Variants in GALNT17 observed in about 807,000 individuals in gnomAD.
The protein encoded by GALNT17 is UDP-GalNAc:polypeptide N-acetylgalactosaminyltransferase-like 3.
In GALNT17, 29 loss-of-function variants were observed where a neutral mutation model predicts 63.7. The ratio of observed to expected loss-of-function variants is 0.46; its 90% CI spans 0.34 to 0.62. GALNT17 has a LOEUF of 0.62. GALNT17 is among the 20% of genes least tolerant of loss of function. The pLI, the probability that GALNT17 is intolerant of heterozygous loss-of-function variation, is 0.01. For missense variants in GALNT17, 603 were observed against 799.6 expected (o/e 0.75, Z 2.97); for synonymous variants, 305 against 318.3 (o/e 0.96, Z 0.45).
At chr7:71,184,241 G>C (rs1788789603) in intron 1 of GALNT17, among the ~76,000 whole-genome samples, 1 of 152,086 alleles carries the variant, frequency 6.6e-6, no homozygotes, top group Admixed American at 6.6e-5. Context: ...ACTGTGAGAA[G>C]ATACATTTCT....
intron 3 of GALNT17, 151 bp downstream of exon 3, chr7:71,388,552 A>G: frequency 2.0e-6 from 2 of 996,592 alleles, no homozygotes; most frequent in Non-Finnish European, 2.8e-6. Context: ...TTTGAGATGG[A>G]GTCTTGCTGT....
chr7:71,336,551 G>A (rs114677697), intron 2 of GALNT17, among the ~76,000 whole-genome samples: 1 of 152,040 alleles, frequency 6.6e-6, no homozygotes, highest in Non-Finnish European at 1.5e-5. Context: ...ATGTCCATGT[G>A]TACTCGTCGT....
intron 1 of GALNT17, among the ~76,000 whole-genome samples, chr7:71,290,505 A>G (rs978795619): frequency 6.6e-6 from 1 of 151,990 alleles, no homozygotes; most frequent in Non-Finnish European, 1.5e-5. Context: ...TGGCCCGGGG[A>G]GGCTACCCTG....
intron 5 of GALNT17, among the ~76,000 whole-genome samples, chr7:71,536,458 T>C (rs1788803622): frequency 6.6e-6 from 1 of 152,226 alleles, no homozygotes; most frequent in Non-Finnish European, 1.5e-5. Flanking sequence ...AAAAGAGGCT[T>C]AATTGGACTT....
intron 5 of GALNT17, among the ~76,000 whole-genome samples, chr7:71,534,261 A>G (rs545799754): frequency 6.6e-6 from 1 of 152,198 alleles, no homozygotes; most frequent in African/African-American, 2.4e-5. Flanking sequence ...ACATGGGGGT[A>G]GCATGGAGAA....
At chr7:71,693,301 C>CATATATATATATATATATATATAT (rs1280771901) in intron 9 of GALNT17, among the ~76,000 whole-genome samples, 1 of 82,560 alleles carries the variant, frequency 1.2e-5, no homozygotes, top group East Asian at 7.6e-4. Flanking sequence ...CACACACACA[C>CATATATATATATATATATATATAT]ACACACACAT....
At chr7:71,577,133 T>A (rs1348196814) in intron 6 of GALNT17, among the ~76,000 whole-genome samples, 1 of 152,158 alleles carries the variant, frequency 6.6e-6, no homozygotes, top group East Asian at 1.9e-4. Flanking sequence ...ATACCACATG[T>A]TCTCACTTAT....
intron 1 of GALNT17, among the ~76,000 whole-genome samples, chr7:71,261,108 C>T (rs1401501266): frequency 1.3e-5 from 2 of 152,186 alleles, no homozygotes; most frequent in Non-Finnish European, 2.9e-5. Context: ...TCAGGCTATA[C>T]TCCGATGGAT....
chr7:71,132,855 TA>T lies in GALNT17; in HGVS notation c.54del (p.Ala19ProfsTer46). On this transcript the variant is annotated frameshift_variant, in exon 1 of 11. Coordinates refer to ENST00000333538, the MANE Select transcript of GALNT17 (RefSeq NM_022479.3). LOFTEE classifies it high-confidence loss of function. Reference protein sequence around the residue: ...KVLLVLNLIAVAGFVLFLAKC... With the variant: ...KVLLVLNLIAXAGFVLFLAKC... Reference sequence around the variant, plus strand: ...CTGTTGGTGTTGAACTTGATCGCGGTAGCCGGCTTCGTGCTCTTCCTGGCCA... The same window carrying T: ...CTGTTGGTGTTGAACTTGATCGCGGTGCCGGCTTCGTGCTCTTCCTGGCCA... 1 of 1,612,804 alleles carries T rather than the reference TA, an allele frequency of 6.2e-7. No individual in the cohort carries two copies. Among genetic ancestry groups the T allele is most frequent in the Non-Finnish European group, 8.5e-7 (1 of 1,179,384 alleles).
At chr7:71,385,304 C>G (rs1001098324) in intron 2 of GALNT17, among the ~76,000 whole-genome samples, 1 of 152,136 alleles carries the variant, frequency 6.6e-6, no homozygotes, top group African/African-American at 2.4e-5. Context: ...CTGCCCAGCC[C>G]GGCAGTCATC....
At chr7:71,646,109 G>A (rs1214311200) in intron 6 of GALNT17, among the ~76,000 whole-genome samples, 1 of 152,120 alleles carries the variant, frequency 6.6e-6, no homozygotes, top group Non-Finnish European at 1.5e-5. Flanking sequence ...CAAGTTCCTA[G>A]GCTCTGATAC....
intron 3 of GALNT17, among the ~76,000 whole-genome samples, chr7:71,411,030 G>A (rs559795891): frequency 3.9e-5 from 6 of 152,284 alleles, no homozygotes; most frequent in Non-Finnish European, 7.4e-5. Flanking sequence ...GAGGAAAAAA[G>A]AAAGTAAGAT....
intron 1 of GALNT17, among the ~76,000 whole-genome samples, chr7:71,264,782 C>G (rs7780205): frequency 6.6e-6 from 1 of 151,832 alleles, no homozygotes; most frequent in Non-Finnish European, 1.5e-5. Flanking sequence ...AAAAGTCGAC[C>G]TCATGGGGCC....
chr7:71,236,102 A>C (rs1485480528), intron 1 of GALNT17, among the ~76,000 whole-genome samples: 2 of 151,818 alleles, frequency 1.3e-5, no homozygotes, highest in Non-Finnish European at 2.9e-5. Flanking sequence ...AATTGCTTGA[A>C]CCCAGGAGGT....
chr7:71,443,988 A>G (rs1787115402), intron 5 of GALNT17, among the ~76,000 whole-genome samples: 1 of 152,062 alleles, frequency 6.6e-6, no homozygotes, highest in African/African-American at 2.4e-5. Context: ...TGGCCTCCCA[A>G]AGTGCTGGAA....
In GALNT17 at chr7:71,581,759, T is replaced by A. The variant is rs999878919; in HGVS notation, c.1080+10357T>A. On this transcript the variant is annotated intron_variant, in intron 6 of 10. Coordinates refer to ENST00000333538, the MANE Select transcript of GALNT17 (RefSeq NM_022479.3). ...GACTCTGGTAGGGTAGGTTTGTCAG[T>A]GGGGACATGAGTAGTTCCATTTTAG... is the stretch of plus-strand genomic sequence containing the variant. Among the ~76,000 whole-genome samples, 11 of 152,098 alleles carry A rather than the reference T, an allele frequency of 7.2e-5. No individual in the cohort carries two copies. In the East Asian group the frequency reaches 1.7e-3, roughly 24 times the overall value.
chr7:71,331,732 G>A (rs1352468626), intron 1 of GALNT17, among the ~76,000 whole-genome samples: 6 of 151,954 alleles, frequency 3.9e-5, no homozygotes, highest in African/African-American at 1.2e-4. Flanking sequence ...AAGTTCCTAC[G>A]TTCCTACATT....
At chr7:71,163,609 T>C (rs970914006) in intron 1 of GALNT17, among the ~76,000 whole-genome samples, 2 of 152,236 alleles carry the variant, frequency 1.3e-5, no homozygotes, top group Non-Finnish European at 2.9e-5. Flanking sequence ...TTTAGATTCC[T>C]GTGGCAGATG....
chr7:71,609,426 G>T (rs185135143), intron 6 of GALNT17, among the ~76,000 whole-genome samples: 1 of 152,188 alleles, frequency 6.6e-6, no homozygotes, highest in African/African-American at 2.4e-5. Context: ...TGCATCAGGC[G>T]AATGGGAGTT....
Sources: gnomAD v4.1 joint callset for allele counts (sites outside exome capture counted in the v4.1 genomes callset) on GRCh38, gnomAD v4.1.1 for gene constraint, MANE v1.5 for transcripts, NCBI Gene and HGNC (gene_info 2026-07-23, HGNC 2026-07-21) for gene names.